TMEM74: variants seen among roughly 807,000 people sequenced by gnomAD.
TMEM74 encodes transmembrane protein 74.
A neutral mutation model predicts 18.1 loss-of-function variants in TMEM74; 13 were observed. That is an observed-to-expected ratio of 0.72 (90% CI 0.47 to 1.14). The LOEUF (loss-of-function observed/expected upper bound fraction) is 1.14. TMEM74 is among the 50% of genes most tolerant of loss of function. The pLI is 0.00. For synonymous variants in TMEM74, 159 were observed against 146.6 expected, an observed-to-expected ratio of 1.08 and a Z score of -0.61; for missense variants, 372 against 375.9, an observed-to-expected ratio of 0.99 and a Z score of 0.09.
chr8:108,726,977 A>C (rs1813645164), intron 1 of TMEM74, among the ~76,000 whole-genome samples: 1 of 152,154 alleles, frequency 6.6e-6, no homozygotes, highest in African/African-American at 2.4e-5. Flanking sequence ...CTGAATGAAA[A>C]GGGAAGTGAA....
At chr8:108,756,695 AG>A (rs1800941155) in intron 1 of TMEM74, among the ~76,000 whole-genome samples, 2 of 84,566 alleles carry the variant, frequency 2.4e-5, no homozygotes, top group Admixed American at 1.2e-4. Flanking sequence ...AAAGAAAGAA[AG>A]AAGGAAGGAA....
At chr8:108,762,512 C>T (rs562396848) in intron 1 of TMEM74, among the ~76,000 whole-genome samples, 1 of 151,984 alleles carries the variant, frequency 6.6e-6, no homozygotes, top group Non-Finnish European at 1.5e-5. Context: ...TGAACTCAGC[C>T]CCATGGGTAG....
chr8:108,769,637 C>T (rs559520975), intron 1 of TMEM74, among the ~76,000 whole-genome samples: 2 of 152,150 alleles, frequency 1.3e-5, no homozygotes, highest in South Asian at 2.1e-4. Context: ...ATAAAGGGAC[C>T]GTGTACTTTG....
chr8:108,750,153 G>A (rs946839588), intron 1 of TMEM74, among the ~76,000 whole-genome samples: 4 of 152,076 alleles, frequency 2.6e-5, no homozygotes, highest in Non-Finnish European at 5.9e-5. Flanking sequence ...TGAAAATCCA[G>A]GTCTCACTCT....
At chr8:108,749,476 C>T (rs1051843133) in intron 1 of TMEM74, among the ~76,000 whole-genome samples, 17 of 152,104 alleles carry the variant, frequency 1.1e-4, no homozygotes, top group African/African-American at 4.1e-4. Context: ...TACAGTGATG[C>T]TAGCAATTTT....
chr8:108,723,917 G>A lies in TMEM74; in HGVS notation n.119+63559C>T, dbSNP rs539315595. ...ACTGTTTTCTAAAGTAAACGAAGGTGCTCCTGCCTTAGACATGGTGAAACT... is the reference window on the plus strand; with the variant it reads ...ACTGTTTTCTAAAGTAAACGAAGGTACTCCTGCCTTAGACATGGTGAAACT... On this transcript the variant is annotated intron_variant and non_coding_transcript_variant, in intron 1 of 3. Coordinates refer to the TMEM74 transcript ENST00000518838. Among the ~76,000 whole-genome samples the A allele has an allele frequency of 6.6e-5, 10 of 152,216 alleles. No homozygotes were observed. The East Asian group carries it at 1.7e-3, about 26-fold the overall frequency.
chr8:108,702,090 A>G (rs1813341242), intron 1 of TMEM74, among the ~76,000 whole-genome samples: 1 of 152,128 alleles, frequency 6.6e-6, no homozygotes, highest in Admixed American at 6.6e-5. Flanking sequence ...CATGCTGGCA[A>G]TCCCAGCACT....
At position 108,664,489 on chromosome 8, in the gene TMEM74, T is replaced by A. The variant is rs538578568; in HGVS notation, n.120-9052A>T. Among the ~76,000 whole-genome samples, 7 of 152,288 alleles carry A rather than the reference T, an allele frequency of 4.6e-5. No individual in the cohort carries two copies. The South Asian group carries it at 1.4e-3, about 32-fold the overall frequency. On this transcript the variant is annotated intron_variant and non_coding_transcript_variant, in intron 1 of 3. Coordinates refer to the TMEM74 transcript ENST00000518838. ...GTACATTGATTACATTGATTTTGTA[T>A]CTCAAGACTTCGTTAAAGTTGTTTT...
At chr8:108,610,125 CT>C (rs1290176243) in intron 2 of TMEM74, among the ~76,000 whole-genome samples, 1 of 152,146 alleles carries the variant, frequency 6.6e-6, no homozygotes, top group African/African-American at 2.4e-5. Context: ...ACCTAGGAAC[CT>C]GCATTTTCAA....
intron 1 of TMEM74, among the ~76,000 whole-genome samples, chr8:108,657,720 G>A (rs1203431843): frequency 1.3e-5 from 2 of 150,078 alleles, no homozygotes; most frequent in African/African-American, 4.9e-5. Flanking sequence ...ATGTGTGCCT[G>A]TAATCTCAGC....
At chr8:108,739,157 C>A (rs962755682) in intron 1 of TMEM74, among the ~76,000 whole-genome samples, 2 of 152,146 alleles carry the variant, frequency 1.3e-5, no homozygotes, top group African/African-American at 4.8e-5. Context: ...AAATAAATAA[C>A]AATTACTCCT....
chr8:108,751,998 T>C (rs1441133275), intron 1 of TMEM74, among the ~76,000 whole-genome samples: 1 of 152,138 alleles, frequency 6.6e-6, no homozygotes, highest in East Asian at 1.9e-4. Flanking sequence ...CTGGGGACTA[T>C]GGTCGTGAAC....
intron 1 of TMEM74, among the ~76,000 whole-genome samples, chr8:108,671,481 A>G (rs1041641866): frequency 4.6e-5 from 7 of 152,212 alleles, no homozygotes; most frequent in Admixed American, 2.0e-4. Flanking sequence ...AAAGCAGGTG[A>G]CATTAAGGTT....
chr8:108,774,919 CAAAG>C (rs1275104238), downstream of TMEM74, among the ~76,000 whole-genome samples: 4 of 151,948 alleles, frequency 2.6e-5, no homozygotes, highest in African/African-American at 9.7e-5. Context: ...TTCTTACACA[CAAAG>C]ACTCAACTCC....
In TMEM74 at chr8:108,748,627, A is replaced by T. The variant is rs115333555; in HGVS notation, n.119+38849T>A. On this transcript the variant is annotated intron_variant and non_coding_transcript_variant, in intron 1 of 3. Coordinates refer to the TMEM74 transcript ENST00000518838. ...TGCAATTACTTTTGGTATCTTCATC[A>T]TGAAATCTTTGCCCCTACCTATATG... Among the ~76,000 whole-genome samples, 808 of 148,744 alleles carry T rather than the reference A, an allele frequency of 5.4e-3. 7 individuals carry two copies. Among genetic ancestry groups the T allele is most frequent in the African/African-American group, 0.019 (781 of 40,746 alleles).
intron 2 of TMEM74, among the ~76,000 whole-genome samples, chr8:108,641,097 C>T (rs1055034673): frequency 6.6e-6 from 1 of 152,092 alleles, no homozygotes; most frequent in East Asian, 1.9e-4. Context: ...GTTTGGGCTG[C>T]TTTGTTATTT....
chr8:108,690,243 C>T (rs971819445), intron 1 of TMEM74, among the ~76,000 whole-genome samples: 1 of 152,104 alleles, frequency 6.6e-6, no homozygotes, highest in African/African-American at 2.4e-5. Flanking sequence ...CTAACTTTGT[C>T]TAATGTGTTC....
intron 1 of TMEM74, among the ~76,000 whole-genome samples, chr8:108,705,820 A>G (rs1425549304): frequency 2.6e-5 from 4 of 152,242 alleles, no homozygotes; most frequent in African/African-American, 9.6e-5. Context: ...ATCAACAATC[A>G]CAGATACTCT....
chr8:108,652,788 C>A, intron 2 of TMEM74: 1 of 528,200 alleles, frequency 1.9e-6, no homozygotes, highest in East Asian at 4.0e-5. Flanking sequence ...GAGTATGACC[C>A]ACCCCATGTC....
Sources: allele counts gnomAD v4.1 joint callset (sites outside exome capture counted in the v4.1 genomes callset), GRCh38; gene constraint gnomAD v4.1.1; transcripts MANE v1.5; gene names NCBI Gene and HGNC (gene_info 2026-07-23, HGNC 2026-07-21).